The following CAPN2 variants were observed in gnomAD, a reference collection of about 807,000 sequenced individuals.
CAPN2 encodes calpain-2 catalytic subunit.
CAPN2 carries 92 observed loss-of-function variants against 102.3 expected under a neutral mutation model. The ratio of observed to expected loss-of-function variants is 0.90; its 90% CI spans 0.76 to 1.07. The LOEUF is 1.07. Among genes scored for constraint, CAPN2 ranks in the 50% least tolerant of loss-of-function variants. The pLI, the probability that CAPN2 is intolerant of heterozygous loss-of-function variation, is 0.00. For synonymous variants in CAPN2, 340 were observed against 355.4 expected (o/e 0.96, Z 0.49); for missense variants, 800 against 909.4 (o/e 0.88, Z 1.55).
At chr1:223,713,490 A>T (rs571456998) in intron 1 of CAPN2, among the ~76,000 whole-genome samples, 16,678 of 152,054 alleles carry the variant, frequency 0.11, 1,566 homozygotes, top group African/African-American at 0.23. Context: ...CCTGGCGGGA[A>T]TCACCCGGGA....
intron 2 of CAPN2, among the ~76,000 whole-genome samples, chr1:223,728,853 C>A (rs1660262504): frequency 6.9e-6 from 1 of 145,270 alleles, no homozygotes. Flanking sequence ...GGCTCAGGAG[C>A]CCTGACTTGC....
At chr1:223,752,991 CG>C in intron 9 of CAPN2, 35 bp downstream of exon 9, 7 of 1,605,408 alleles carry the variant, frequency 4.4e-6, no homozygotes, top group Non-Finnish European at 6.0e-6. Flanking sequence ...TGTTGCAATG[CG>C]GGGCCACCAA....
Position 223,752,823 on chromosome 1 carries a change from C to G in CAPN2, c.1002C>G (p.His334Gln). 6.2e-7 allele frequency: 1 copy of G among 1,614,168 alleles called. No homozygotes were observed. The highest frequency in any genetic ancestry group is 8.5e-7 in the Non-Finnish European group (1 of 1,180,026). ...TGTCTTTCAGTGACTTCCTGAGGCA[C>G]TATTCCCGCCTGGAGATCTGTAACC... is the stretch of plus-strand genomic sequence containing the variant. ...FWMSFSDFLR[H>Q]YSRLEICNLT... Residue 334 changes from histidine to glutamine, a missense_variant, in exon 9 of 21, where the codon CAC becomes CAG. Physicochemically the swap from His to Gln is conservative, Grantham distance 24 (BLOSUM62 0). Coordinates refer to ENST00000295006, the MANE Select transcript of CAPN2 (RefSeq NM_001748.5).
chr1:223,759,613 G>A lies in CAPN2; in HGVS notation c.1529+132G>A. 3.0e-6 allele frequency: 2 copies of A among 669,726 alleles called. No individual in the cohort carries two copies. The highest frequency in any genetic ancestry group is 2.7e-5 in the East Asian group (1 of 36,778). The allele number at this position is 669,726 out of a possible 1,614,324, so 41.5% of individuals were successfully genotyped here. ...TTCTGTAACACCTGCCCACCTCGAAGGACTAGTGTGGGGATTTGATGGATT... is the reference window on the plus strand; with the variant it reads ...TTCTGTAACACCTGCCCACCTCGAAAGACTAGTGTGGGGATTTGATGGATT... On this transcript the variant is annotated intron_variant, in intron 12 of 20. Coordinates refer to ENST00000295006, the MANE Select transcript of CAPN2 (RefSeq NM_001748.5). This position sits in a 1 kb window ranked among gnomAD's most constrained non-coding sequence, Gnocchi z 4.6.
At position 223,764,325 on chromosome 1, in the gene CAPN2, C is replaced by A. The variant is rs1661260694; in HGVS notation, c.1690+118C>A. 3 of 809,096 alleles carry A rather than the reference C, an allele frequency of 3.7e-6. No homozygotes were observed. The Admixed American group carries it at 5.4e-5, about 14-fold the overall frequency. The allele number at this position is 809,096 out of a possible 1,614,324, so 50.1% of individuals were successfully genotyped here. ...TGTGACTAAACCACCACCCTCCATCCCCTCCAAGAAGTGGATGAAGGATTT... is the reference window on the plus strand; with the variant it reads ...TGTGACTAAACCACCACCCTCCATCACCTCCAAGAAGTGGATGAAGGATTT... On this transcript the variant is annotated intron_variant, in intron 15 of 20. Transcript: ENST00000295006.
intron 4 of CAPN2, among the ~76,000 whole-genome samples, chr1:223,746,259 C>T (rs1660746864): frequency 6.6e-6 from 1 of 152,188 alleles, no homozygotes; most frequent in Non-Finnish European, 1.5e-5. Flanking sequence ...CGGACTCCAG[C>T]ATCAGCAGTC....
In CAPN2 at chr1:223,756,215, A is replaced by C. The variant is rs1163437635; in HGVS notation, c.1305+566A>C. Among the ~76,000 whole-genome samples the C allele has an allele frequency of 6.6e-6, 1 of 152,200 alleles. No individual in the cohort carries two copies. The highest frequency in any genetic ancestry group is 2.4e-5 in the African/African-American group (1 of 41,460). ...CACAGCCAGAGGGCAGCCGCATTGC[A>C]GTCTCCTCTCCGCCCTCAGGCTGGG... On this transcript the variant is annotated intron_variant, in intron 10 of 20. Coordinates refer to ENST00000295006, the MANE Select transcript of CAPN2 (RefSeq NM_001748.5). The surrounding 1 kb of genome is among the most constrained non-coding windows in gnomAD (Gnocchi z 4.1).
upstream of CAPN2, among the ~76,000 whole-genome samples, chr1:223,711,311 T>C (rs1314306369): frequency 6.6e-6 from 1 of 152,176 alleles, no homozygotes; most frequent in Non-Finnish European, 1.5e-5. Flanking sequence ...CCCATCTGCA[T>C]TTCTTGGCAC....
chr1:223,759,567 C>A lies in CAPN2; in HGVS notation c.1529+86C>A. 2 of 1,076,950 alleles carry A rather than the reference C, an allele frequency of 1.9e-6. No homozygotes were observed. The highest frequency in any genetic ancestry group is 2.7e-6 in the Non-Finnish European group (2 of 729,220). 66.7% of individuals were successfully genotyped at this position (1,076,950 alleles called of 1,614,324 possible). A position where few individuals can be genotyped will look rare whatever the true frequency, so the allele number is the denominator to read the frequency against. ...CTCGGCCCCTAGAGGGCTCTTTCAT[C>A]CTCTGAATGTCAGTTACTTTTTCTG... On this transcript the variant is annotated intron_variant, in intron 12 of 20. Coordinates refer to ENST00000295006, the MANE Select transcript of CAPN2 (RefSeq NM_001748.5). The surrounding 1 kb of genome is among the most constrained non-coding windows in gnomAD (Gnocchi z 4.6).
chr1:223,748,546 TG>T (rs1460159379), intron 5 of CAPN2, among the ~76,000 whole-genome samples: 1 of 152,160 alleles, frequency 6.6e-6, no homozygotes, highest in Non-Finnish European at 1.5e-5. Flanking sequence ...ACCCTACAGC[TG>T]GGCTGGGCCA....
chr1:223,752,372 C>CT (rs1660924961), intron 8 of CAPN2, among the ~76,000 whole-genome samples: 1 of 152,204 alleles, frequency 6.6e-6, no homozygotes, highest in African/African-American at 2.4e-5. Flanking sequence ...TGGGGCCTTT[C>CT]TCCCCCAGGT....
intron 12 of CAPN2, among the ~76,000 whole-genome samples, chr1:223,761,321 G>T (rs976671949): frequency 1.1e-4 from 16 of 152,174 alleles, no homozygotes; most frequent in Admixed American, 9.8e-4. Context: ...TATTTTTGCT[G>T]TTTAGGGGAT....
intron 16 of CAPN2, among the ~76,000 whole-genome samples, chr1:223,768,041 GTTT>G (rs1249833425): frequency 6.6e-6 from 1 of 150,766 alleles, no homozygotes; most frequent in East Asian, 1.9e-4. Flanking sequence ...GGGGTTGTTT[GTTT>G]TTTTCTTGTA....
At chr1:223,757,845 G>GTTTT in intron 11 of CAPN2, 1 of 141,948 alleles carries the variant, frequency 7.0e-6, no homozygotes, top group Non-Finnish European at 1.5e-5. Context: ...TCAGGGTTTT[G>GTTTT]TTTTTTTTTT....
upstream of CAPN2, among the ~76,000 whole-genome samples, chr1:223,708,910 A>G (rs2404356): frequency 0.98 from 148,722 of 152,052 alleles, 72,737 homozygotes; most frequent in East Asian, 1. Flanking sequence ...GAAAAGAAAA[A>G]AAAAGAGAGA....
chr1:223,759,506 C>T lies in CAPN2; in HGVS notation c.1529+25C>T, dbSNP rs372842249. 1.0e-4 allele frequency: 160 copies of T among 1,591,302 alleles called. 1 individual carries two copies. The highest frequency in any genetic ancestry group is 1.2e-4 in the Non-Finnish European group (140 of 1,160,736). On this transcript the variant is annotated intron_variant, in intron 12 of 20. Transcript: ENST00000295006. The surrounding 1 kb of genome is among the most constrained non-coding windows in gnomAD (Gnocchi z 4.6). ...AGTAGGCGGTTTGGTCCCTTCCTCT[C>T]CCCACCCTTCCCTGTCCCTCCCCAC...
chr1:223,753,221 C>T (rs900649710), intron 9 of CAPN2, among the ~76,000 whole-genome samples: 9 of 152,186 alleles, frequency 5.9e-5, no homozygotes, highest in African/African-American at 2.2e-4. Flanking sequence ...CCTCTCCAGG[C>T]CCTAGATTCC....
At chr1:223,767,279 T>G (rs1170833727) in intron 16 of CAPN2, among the ~76,000 whole-genome samples, 1 of 151,888 alleles carries the variant, frequency 6.6e-6, no homozygotes, top group Non-Finnish European at 1.5e-5. Context: ...ATGCTGGTGC[T>G]TTGCACCCAC....
In CAPN2 at chr1:223,766,424, T is replaced by G; in HGVS notation, c.1748T>G (p.Met583Arg). The G allele has an allele frequency of 6.2e-7, 1 of 1,611,324 alleles. No homozygotes were observed. The highest frequency in any genetic ancestry group is 2.2e-5 in the East Asian group (1 of 44,866). Residue 583 changes from methionine to arginine, a missense_variant, in exon 16 of 21, where the codon ATG (methionine) becomes AGG (arginine). Coordinates refer to ENST00000295006, the MANE Select transcript of CAPN2 (RefSeq NM_001748.5). ...SIETCKIMVD[M>R]LDSDGSGKLG... ...GAGACATGCAAAATTATGGTTGACA[T>G]GCTAGATGTATCCTTTAATGTGCTC...
Sources: gnomAD v4.1 joint callset for allele counts (sites outside exome capture counted in the v4.1 genomes callset) on GRCh38, gnomAD v4.1.1 for gene constraint, Gnocchi (gnomAD v3.1) non-coding constraint, MANE v1.5 for transcripts, NCBI Gene and HGNC (gene_info 2026-07-23, HGNC 2026-07-21) for gene names.